Variants in ARHGAP26 observed in about 807,000 individuals in gnomAD.
ARHGAP26 encodes Rho GTPase activating protein 26.
Under a neutral mutation model 104.8 loss-of-function variants are expected in ARHGAP26, and 38 were observed. That is an observed-to-expected ratio of 0.36 (90% CI 0.28 to 0.48). The LOEUF (loss-of-function observed/expected upper bound fraction) is 0.48, where lower values mean the gene tolerates loss of function less well. Among genes scored for constraint, ARHGAP26 ranks in the 20% least tolerant of loss-of-function variants. ARHGAP26 has a pLI of 0.99. For synonymous variants in ARHGAP26, 341 were observed against 340.0 expected, an observed-to-expected ratio of 1.00 and a Z score of -0.03; for missense variants, 704 against 947.9, an observed-to-expected ratio of 0.74 and a Z score of 3.38.
At chr5:142,912,784 G>C (rs1040466807) in intron 9 of ARHGAP26, among the ~76,000 whole-genome samples, 4 of 152,138 alleles carry the variant, frequency 2.6e-5, no homozygotes, top group Non-Finnish European at 4.4e-5. Context: ...ATGGTGCTTT[G>C]TGAACACGTT....
intron 20 of ARHGAP26, among the ~76,000 whole-genome samples, chr5:143,149,303 G>A (rs879748095): frequency 6.6e-6 from 1 of 152,130 alleles, no homozygotes; most frequent in African/African-American, 2.4e-5. Flanking sequence ...TCCAAGCTGA[G>A]TGAGTCGCTG....
chr5:143,008,024 G>A (rs549307532), intron 11 of ARHGAP26, among the ~76,000 whole-genome samples: 1 of 152,264 alleles, frequency 6.6e-6, no homozygotes, highest in African/African-American at 2.4e-5. Flanking sequence ...CACCAGAAGA[G>A]GCTTTTTGTT....
At chr5:143,141,750 G>A (rs1292830680) in intron 19 of ARHGAP26, among the ~76,000 whole-genome samples, 1 of 152,190 alleles carries the variant, frequency 6.6e-6, no homozygotes, top group Non-Finnish European at 1.5e-5. Flanking sequence ...TAGAAAAGAG[G>A]GCTGTCTTGT....
At chr5:142,804,356 T>C (rs1231607557) in intron 1 of ARHGAP26, among the ~76,000 whole-genome samples, 1 of 152,204 alleles carries the variant, frequency 6.6e-6, no homozygotes, top group Non-Finnish European at 1.5e-5. Flanking sequence ...CTAGTTTTGG[T>C]CTAACCAGGG....
chr5:143,222,365 A>T lies in ARHGAP26; in HGVS notation c.2199A>T (p.Pro733=). Residue 733 remains proline, a synonymous_variant, in exon 23 of 23, where the codon CCA becomes CCT. Coordinates refer to ENST00000645722, the MANE Select transcript of ARHGAP26 (RefSeq NM_001135608.3). ...TCTCCCCTTCCTGTACAGTTCACCC[A>T]TCTCAGGAGCCTGGCTGGTTGGAGG... ...TAGTVFDNVH[P]SQEPGWLEGT... is the part of the protein sequence containing the mutation. The T allele has an allele frequency of 1.3e-6, 2 of 1,597,108 alleles. No homozygotes were observed. Among genetic ancestry groups the T allele is most frequent in the Non-Finnish European group, 1.7e-6 (2 of 1,169,666 alleles).
intron 11 of ARHGAP26, among the ~76,000 whole-genome samples, chr5:142,940,645 G>A (rs1017269530): frequency 6.6e-6 from 1 of 151,984 alleles, no homozygotes; most frequent in Non-Finnish European, 1.5e-5. Flanking sequence ...CTTTTTTTAT[G>A]GCTGCATAGT....
At chr5:142,986,637 G>A (rs1774778083) in intron 11 of ARHGAP26, among the ~76,000 whole-genome samples, 2 of 152,292 alleles carry the variant, frequency 1.3e-5, no homozygotes, top group Non-Finnish European at 2.9e-5. Context: ...TATGGATTTA[G>A]GTCCAACATT....
At chr5:143,204,495 G>T (rs1264238696) in intron 20 of ARHGAP26, among the ~76,000 whole-genome samples, 2 of 152,322 alleles carry the variant, frequency 1.3e-5, no homozygotes, top group Admixed American at 1.3e-4. Flanking sequence ...TTGCACTCCA[G>T]CCTGGGCGAC....
chr5:142,772,479 CT>C (rs1252256733), intron 1 of ARHGAP26, among the ~76,000 whole-genome samples: 1 of 152,158 alleles, frequency 6.6e-6, no homozygotes. Context: ...ACTCAGCAAA[CT>C]TTTGGTGTGA....
Position 143,207,210 on chromosome 5 carries a change from A to C in ARHGAP26, c.2001A>C (p.Pro667=). 6.2e-7 allele frequency: 1 copy of C among 1,613,556 alleles called. No individual in the cohort carries two copies. Among genetic ancestry groups the C allele is most frequent in the South Asian group, 1.1e-5 (1 of 91,034 alleles). ...PTRPNSLPPN[P]SPTSPLSPSW... ...TTATGTCTTGCAGCCCCCCGAATCC[A>C]AGCCCAACTTCACCCCTCTCGCCAT... Residue 667 remains proline, a synonymous_variant, in exon 21 of 23, where the codon CCA becomes CCC. Transcript: ENST00000645722.
At chr5:142,922,078 A>C (rs1417850737) in intron 10 of ARHGAP26, 1 of 152,180 alleles carries the variant, frequency 6.6e-6, no homozygotes, top group African/African-American at 2.4e-5. Context: ...CCATTTTCAA[A>C]CTGTGTATGT....
chr5:142,856,421 G>A (rs1752361384), intron 1 of ARHGAP26, among the ~76,000 whole-genome samples: 1 of 152,242 alleles, frequency 6.6e-6, no homozygotes, highest in African/African-American at 2.4e-5. Flanking sequence ...AAGTGAGGCT[G>A]AACAGACCAC....
Position 143,228,499 on chromosome 5 carries a change from TGTCGCAA to T in ARHGAP26, c.*6055_*6061del. ...TTTTTTGTTAACTTACTTAAAGTCA[TGTCGCAA>T]GAAAGATCAAACCCATGAATGCTTA... On this transcript the variant is annotated 3_prime_UTR_variant, in exon 23 of 23. Transcript: ENST00000645722. 1 of 220,238 alleles carries T rather than the reference TGTCGCAA, an allele frequency of 4.5e-6. No homozygotes were observed. The highest frequency in any genetic ancestry group is 1.8e-4 in the South Asian group (1 of 5,424). The allele number at this position is 220,238 out of a possible 1,614,324, so 13.6% of individuals were successfully genotyped here.
intron 3 of ARHGAP26, among the ~76,000 whole-genome samples, chr5:142,877,455 A>G (rs1217968629): frequency 1.3e-5 from 2 of 151,382 alleles, no homozygotes; most frequent in South Asian, 2.1e-4. Flanking sequence ...CTGGGCTTCC[A>G]TGTCCCCAAC....
intron 17 of ARHGAP26, among the ~76,000 whole-genome samples, chr5:143,085,023 C>A (rs1255350785): frequency 4.9e-5 from 6 of 121,482 alleles, no homozygotes; most frequent in African/African-American, 1.9e-4. Context: ...CCAGCCTGGG[C>A]AACAGAGCAA....
intron 1 of ARHGAP26, among the ~76,000 whole-genome samples, chr5:142,778,170 A>T (rs147365011): frequency 6.1e-4 from 93 of 152,334 alleles, no homozygotes; most frequent in African/African-American, 2.0e-3. Flanking sequence ...AATGATTCAG[A>T]TATTTTTGGC....
intron 20 of ARHGAP26, among the ~76,000 whole-genome samples, chr5:143,152,499 T>C (rs1423279073): frequency 6.6e-6 from 1 of 152,254 alleles, no homozygotes; most frequent in Non-Finnish European, 1.5e-5. Context: ...GATGATACTC[T>C]CTGGTCTCTA....
chr5:142,788,623 A>G (rs61711290), intron 1 of ARHGAP26, among the ~76,000 whole-genome samples: 15,586 of 152,196 alleles, frequency 0.1, 1,032 homozygotes, highest in African/African-American at 0.19. Context: ...TCCCTTAACA[A>G]TACAGTACAA....
chr5:142,845,057 G>T (rs2152221288), intron 1 of ARHGAP26, among the ~76,000 whole-genome samples: 1 of 152,180 alleles, frequency 6.6e-6, no homozygotes, highest in South Asian at 2.1e-4. Flanking sequence ...CTGATTTCTT[G>T]GCCTGTGTTG....
Sources: allele counts gnomAD v4.1 joint callset (sites outside exome capture counted in the v4.1 genomes callset), GRCh38; gene constraint gnomAD v4.1.1; transcripts MANE v1.5; gene names NCBI Gene and HGNC (gene_info 2026-07-23, HGNC 2026-07-21).